The following MIER1 variants were observed in gnomAD, a reference collection of about 807,000 sequenced individuals.
MIER1 encodes mesoderm induction early response protein 1.
MIER1 carries 40 observed loss-of-function variants against 75.7 expected under a neutral mutation model. The observed-to-expected ratio is 0.53, with a 90% CI of 0.41 to 0.69. The LOEUF (loss-of-function observed/expected upper bound fraction) is 0.69. Ranked by LOEUF, MIER1 falls within the 30% of genes least tolerant of loss-of-function variation. The pLI, the probability that MIER1 is intolerant of heterozygous loss-of-function variation, is 0.00. For synonymous variants in MIER1, 213 were observed against 223.4 expected, an observed-to-expected ratio of 0.95 and a Z score of 0.42; for missense variants, 574 against 680.2, an observed-to-expected ratio of 0.84 and a Z score of 1.74.
intron 1 of MIER1, among the ~76,000 whole-genome samples, 159 bp from the exon 2 acceptor site, chr1:66,925,983 T>G: frequency 6.6e-6 from 1 of 152,210 alleles, no homozygotes; most frequent in Non-Finnish European, 1.5e-5. Context: ...AGTTACAAAT[T>G]GCATGACTTA....
intron 4 of MIER1, chr1:66,947,872 T>G (rs1570252671): frequency 1.1e-6 from 1 of 952,106 alleles, no homozygotes; most frequent in Non-Finnish European, 1.3e-6. Flanking sequence ...GCTTCAAGGG[T>G]TTTCAGCTCA....
At chr1:66,940,210 C>T (rs1655856880) in intron 3 of MIER1, 158 bp downstream of exon 3, 3 of 514,524 alleles carry the variant, frequency 5.8e-6, no homozygotes, top group Non-Finnish European at 1.0e-5. Context: ...TTTGACTGCC[C>T]ATGAAAGTAC....
chr1:66,936,998 C>CAAAAAAAAAAAAAAAAAA (rs751644771), intron 2 of MIER1, among the ~76,000 whole-genome samples: 2 of 68,342 alleles, frequency 2.9e-5, no homozygotes, highest in Non-Finnish European at 5.3e-5. Context: ...GACTCCATCT[C>CAAAAAAAAAAAAAAAAAA]AAAAAAAAAA....
intron 2 of MIER1, among the ~76,000 whole-genome samples, chr1:66,930,683 G>T (rs1342123544): frequency 6.6e-6 from 1 of 152,110 alleles, no homozygotes; most frequent in Non-Finnish European, 1.5e-5. Flanking sequence ...GCCCGCCGGG[G>T]AAGGGGTGCC....
At chr1:66,959,808 ATTAT>A in intron 7 of MIER1, 65 bp downstream of exon 7, 1 of 667,446 alleles carries the variant, frequency 1.5e-6, no homozygotes, top group Admixed American at 4.6e-5. Context: ...GCCTCGTGTA[ATTAT>A]TTTTTTTTTT....
chr1:66,936,998 C>CAAAAAAAAAAAAAAAAAAAAAA (rs751644771), intron 2 of MIER1, among the ~76,000 whole-genome samples: 1 of 68,342 alleles, frequency 1.5e-5, no homozygotes, highest in Non-Finnish European at 2.6e-5. Flanking sequence ...GACTCCATCT[C>CAAAAAAAAAAAAAAAAAAAAAA]AAAAAAAAAA....
chr1:66,926,885 T>A (rs540212868), intron 2 of MIER1, among the ~76,000 whole-genome samples: 151 of 152,306 alleles, frequency 9.9e-4, no homozygotes, highest in Non-Finnish European at 1.6e-3. Context: ...TTTTGAGAGG[T>A]ACCTTTTTGG....
intron 4 of MIER1, among the ~76,000 whole-genome samples, chr1:66,954,167 A>G (rs1205173592): frequency 6.6e-6 from 1 of 152,144 alleles, no homozygotes. Flanking sequence ...AATACAGGTG[A>G]ATGTGTAGTG....
chr1:66,935,498 G>A (rs1654574088), intron 2 of MIER1, among the ~76,000 whole-genome samples: 1 of 152,092 alleles, frequency 6.6e-6, no homozygotes, highest in Non-Finnish European at 1.5e-5. Flanking sequence ...ATAGTAACAA[G>A]TACTAGGTTT....
intron 6 of MIER1, among the ~76,000 whole-genome samples, chr1:66,959,258 T>A (rs2101708233): frequency 6.6e-6 from 1 of 152,276 alleles, no homozygotes; most frequent in Non-Finnish European, 1.5e-5. Context: ...ATCTTTTTGT[T>A]TCTCATAGTC....
chr1:66,938,010 C>G (rs1220569350), intron 2 of MIER1, among the ~76,000 whole-genome samples: 1 of 152,168 alleles, frequency 6.6e-6, no homozygotes, highest in Admixed American at 6.5e-5. Context: ...TTGAAACATT[C>G]TAGTATGTCT....
intron 4 of MIER1, 82 bp downstream of exon 4, chr1:66,946,377 T>C (rs187234877): frequency 2.3e-5 from 34 of 1,467,248 alleles, no homozygotes; most frequent in Middle Eastern, 2.4e-4. Flanking sequence ...GATTCTCTGA[T>C]TAGGAGAGAA....
intron 8 of MIER1, among the ~76,000 whole-genome samples, chr1:66,966,919 T>G (rs550474030): frequency 6.6e-6 from 1 of 152,340 alleles, no homozygotes; most frequent in Admixed American, 6.5e-5. Context: ...ATTAGTGCCT[T>G]CTAAGATGGG....
At chr1:66,933,473 G>T (rs1462604707) in intron 2 of MIER1, among the ~76,000 whole-genome samples, 1 of 152,060 alleles carries the variant, frequency 6.6e-6, no homozygotes, top group Non-Finnish European at 1.5e-5. Flanking sequence ...TTCAAAGAGG[G>T]TATATAATCT....
chr1:66,962,550 G>A (rs1019715763), intron 7 of MIER1, among the ~76,000 whole-genome samples: 18 of 152,094 alleles, frequency 1.2e-4, no homozygotes, highest in African/African-American at 4.3e-4. Flanking sequence ...GTGTGTGGTG[G>A]CATGTGCCTG....
At chr1:66,975,536 G>C (rs201047633) in intron 11 of MIER1, among the ~76,000 whole-genome samples, 109 of 141,268 alleles carry the variant, frequency 7.7e-4, no homozygotes, top group African/African-American at 2.4e-3. Flanking sequence ...AAAAAAAAAA[G>C]AAAAAGAAAG....
chr1:66,929,242 G>A (rs185331813), intron 2 of MIER1: 6 of 363,334 alleles, frequency 1.7e-5, no homozygotes, highest in Non-Finnish European at 2.6e-5. Flanking sequence ...AATAATTCTC[G>A]TATTTAAATG....
In MIER1 at chr1:66,985,837, T is replaced by TA. The variant is rs1298186501; in HGVS notation, c.*940dup. Reference sequence around the variant, plus strand: ...AAATTTTTTTTTTTTTTTTTTTTTTTAAATTTCTACTTAAGGGCAAGTAAT... The same window carrying TA: ...AAATTTTTTTTTTTTTTTTTTTTTTTAAAATTTCTACTTAAGGGCAAGTAAT... On this transcript the variant is annotated 3_prime_UTR_variant, in exon 14 of 14. Coordinates refer to ENST00000401041, the MANE Select transcript of MIER1 (RefSeq NM_001077700.3). 1.9e-5 allele frequency: 12 copies of TA among 630,282 alleles called. No individual in the cohort carries two copies. Among genetic ancestry groups the TA allele is most frequent in the Non-Finnish European group, 2.3e-5 (12 of 522,576 alleles). The allele number at this position is 630,282 out of a possible 1,614,324, so 39.0% of individuals were successfully genotyped here.
chr1:66,930,750 C>T (rs940106945), intron 2 of MIER1, among the ~76,000 whole-genome samples: 2 of 152,152 alleles, frequency 1.3e-5, no homozygotes, highest in Non-Finnish European at 2.9e-5. Context: ...GCTGCTTCCT[C>T]TTGCGAAGTT....
Sources: gnomAD v4.1 joint callset for allele counts (sites outside exome capture counted in the v4.1 genomes callset) on GRCh38, gnomAD v4.1.1 for gene constraint, MANE v1.5 for transcripts, NCBI Gene and HGNC (gene_info 2026-07-23, HGNC 2026-07-21) for gene names.